Variants in KIAA1217 observed in about 807,000 individuals in gnomAD.
KIAA1217 encodes sickle tail protein homolog.
In KIAA1217, 88 loss-of-function variants were observed where a neutral mutation model predicts 163.9. The ratio of observed to expected loss-of-function variants is 0.54; its 90% confidence interval spans 0.45 to 0.64. KIAA1217 has a LOEUF of 0.64. Among genes scored for constraint, KIAA1217 ranks in the 30% least tolerant of loss-of-function variants. KIAA1217 has a pLI of 0.00. For synonymous variants in KIAA1217, 903 were observed against 923.1 expected (o/e 0.98, Z 0.39); for missense variants, 2,372 against 2,475.0 (o/e 0.96, Z 0.88).
intron 1 of KIAA1217, among the ~76,000 whole-genome samples, chr10:23,850,323 T>C (rs1839249380): frequency 6.6e-6 from 1 of 152,148 alleles, no homozygotes; most frequent in South Asian, 2.1e-4. Flanking sequence ...CACTTTCATG[T>C]TTAAGTCTCC....
chr10:24,007,541 T>A (rs1050609300), intron 2 of KIAA1217, among the ~76,000 whole-genome samples: 5 of 152,216 alleles, frequency 3.3e-5, no homozygotes, highest in Admixed American at 6.5e-5. Context: ...CCCACAGGTA[T>A]TTGTTCTGAT....
chr10:24,539,374 GTGC>G (rs1462867281), intron 17 of KIAA1217, among the ~76,000 whole-genome samples: 6 of 151,904 alleles, frequency 3.9e-5, no homozygotes, highest in Non-Finnish European at 7.4e-5. Flanking sequence ...GACTACAGGC[GTGC>G]ACCACCACAC....
chr10:24,291,560 A>C (rs907907001), intron 2 of KIAA1217, among the ~76,000 whole-genome samples: 4 of 152,092 alleles, frequency 2.6e-5, no homozygotes, highest in Non-Finnish European at 5.9e-5. Flanking sequence ...CAATCATTTC[A>C]CTTCTACCTC....
intron 2 of KIAA1217, among the ~76,000 whole-genome samples, chr10:24,042,777 G>A (rs563669279): frequency 5.3e-5 from 8 of 152,038 alleles, no homozygotes; most frequent in South Asian, 2.1e-4. Context: ...ATTCTTGGTC[G>A]TGTTTTGTAG....
At chr10:24,161,766 A>C (rs1172151910) in intron 2 of KIAA1217, among the ~76,000 whole-genome samples, 1 of 152,182 alleles carries the variant, frequency 6.6e-6, no homozygotes, top group Non-Finnish European at 1.5e-5. Context: ...TCCACTGTTA[A>C]AGCTTTGATT....
chr10:24,402,785 A>T (rs895299742), intron 3 of KIAA1217, among the ~76,000 whole-genome samples: 4 of 152,206 alleles, frequency 2.6e-5, no homozygotes, highest in Admixed American at 6.5e-5. Flanking sequence ...CCTTCATCAA[A>T]TGTGGTTTAC....
chr10:24,075,337 A>G (rs888648374), intron 2 of KIAA1217, among the ~76,000 whole-genome samples: 3 of 152,116 alleles, frequency 2.0e-5, no homozygotes, highest in Non-Finnish European at 4.4e-5. Flanking sequence ...TTTAAGAGCT[A>G]TTTCTGGGTT....
At chr10:23,899,858 T>C (rs1233646452) in intron 1 of KIAA1217, among the ~76,000 whole-genome samples, 2 of 152,094 alleles carry the variant, frequency 1.3e-5, no homozygotes, top group Non-Finnish European at 2.9e-5. Flanking sequence ...AAATACAGTT[T>C]GATATTTTTA....
intron 2 of KIAA1217, among the ~76,000 whole-genome samples, chr10:24,185,081 A>G (rs2066357893): frequency 6.6e-6 from 1 of 152,226 alleles, no homozygotes; most frequent in Admixed American, 6.5e-5. Flanking sequence ...CCTTAAGAAG[A>G]GACTGCTCTT....
intron 2 of KIAA1217, among the ~76,000 whole-genome samples, chr10:24,197,704 T>A (rs1156448413): frequency 6.6e-6 from 1 of 152,260 alleles, no homozygotes; most frequent in East Asian, 1.9e-4. Flanking sequence ...ATCTCACATA[T>A]TTTTTCCTGA....
chr10:23,901,780 G>A (rs1841966209), intron 1 of KIAA1217, among the ~76,000 whole-genome samples: 1 of 151,752 alleles, frequency 6.6e-6, no homozygotes, highest in Non-Finnish European at 1.5e-5. Flanking sequence ...GTGTGGTGGT[G>A]CATGCCTGTA....
At chr10:24,133,504 A>G (rs1426746327) in intron 2 of KIAA1217, among the ~76,000 whole-genome samples, 1 of 151,682 alleles carries the variant, frequency 6.6e-6, no homozygotes, top group Non-Finnish European at 1.5e-5. Context: ...CCCAGGAGGC[A>G]GAGGTTGCAG....
At chr10:23,936,837 C>T (rs1320659910) in intron 1 of KIAA1217, among the ~76,000 whole-genome samples, 1 of 152,170 alleles carries the variant, frequency 6.6e-6, no homozygotes, top group Non-Finnish European at 1.5e-5. Flanking sequence ...AGAAAGCACT[C>T]ATGTTGTTTA....
chr10:23,910,722 G>A (rs1238972801), intron 1 of KIAA1217, among the ~76,000 whole-genome samples: 5 of 152,142 alleles, frequency 3.3e-5, no homozygotes, highest in Non-Finnish European at 4.4e-5. Flanking sequence ...TCATCCATTC[G>A]ACTGTTATGA....
At chr10:23,993,664 T>G (rs1399928003) in intron 1 of KIAA1217, among the ~76,000 whole-genome samples, 2 of 150,446 alleles carry the variant, frequency 1.3e-5, no homozygotes, top group Middle Eastern at 3.6e-3. Context: ...CAAGTGATTC[T>G]CCTACCTTAG....
At chr10:24,174,821 G>C (rs562449720) in intron 2 of KIAA1217, among the ~76,000 whole-genome samples, 21 of 152,188 alleles carry the variant, frequency 1.4e-4, no homozygotes, top group African/African-American at 4.8e-4. Flanking sequence ...CCCATCACTG[G>C]AACAGTGTAT....
rs1450001998 is a variant in KIAA1217 at position 24,438,543 on chromosome 10, T to C, written c.846+64T>C. 1.9e-5 allele frequency: 20 copies of C among 1,072,452 alleles called. No homozygotes were observed. In the East Asian group the frequency reaches 4.7e-4, roughly 25 times the overall value. 66.4% of individuals were successfully genotyped at this position (1,072,452 alleles called of 1,614,324 possible). On this transcript the variant is annotated intron_variant, in intron 5 of 20. Coordinates refer to ENST00000376454, the MANE Select transcript of KIAA1217 (RefSeq NM_019590.5). ...GTCAAAGCGTCCCTCCTCTTGCTTG[T>C]ACTCCTGATGTAATCAGAACTCTAC...
At chr10:24,329,924 A>G (rs887936030) in intron 2 of KIAA1217, among the ~76,000 whole-genome samples, 2 of 152,132 alleles carry the variant, frequency 1.3e-5, no homozygotes, top group Non-Finnish European at 2.9e-5. Context: ...AGGCAAGAAA[A>G]TCTCTATTCT....
intron 2 of KIAA1217, among the ~76,000 whole-genome samples, chr10:24,059,838 T>C (rs555109151): frequency 2.6e-5 from 4 of 152,352 alleles, no homozygotes; most frequent in Non-Finnish European, 5.9e-5. Context: ...GTGTTGGGAT[T>C]ACAGGCGTGA....
Sources: allele counts gnomAD v4.1 joint callset (sites outside exome capture counted in the v4.1 genomes callset), GRCh38; gene constraint gnomAD v4.1.1; transcripts MANE v1.5; gene names NCBI Gene and HGNC (gene_info 2026-07-23, HGNC 2026-07-21).